UBA6: variants seen among roughly 807,000 people sequenced by gnomAD.
UBA6 encodes ubiquitin-like modifier-activating enzyme 6.
Under a neutral mutation model 148.3 loss-of-function variants are expected in UBA6, and 87 were observed. That is an observed-to-expected ratio of 0.59 (90% CI 0.49 to 0.70). UBA6 has a LOEUF of 0.70. Among genes scored for constraint, UBA6 ranks in the 30% least tolerant of loss-of-function variants. The probability of loss-of-function intolerance (pLI) is 0.00; values close to 1 mark genes in which losing one functional copy is unlikely to be tolerated. For missense variants in UBA6, 1,186 were observed against 1,241.2 expected, an observed-to-expected ratio of 0.96 and a Z score of 0.67; for synonymous variants, 376 against 401.0, an observed-to-expected ratio of 0.94 and a Z score of 0.75.
rs762934764 is a variant in UBA6 at position 67,618,951 on chromosome 4, C to G, written c.*46G>C. On this transcript the variant is annotated 3_prime_UTR_variant, in exon 33 of 33. Transcript: ENST00000322244. ...CTTTAGCTTCTGAATTAAGTGCACT[C>G]TTTCCAAAATCAAGTGGTCCTGGAG... is the stretch of plus-strand genomic sequence containing the variant. 1 of 1,585,334 alleles carries G rather than the reference C, an allele frequency of 6.3e-7. No individual in the cohort carries two copies. Among genetic ancestry groups the G allele is most frequent in the Admixed American group, 1.8e-5 (1 of 54,960 alleles).
intron 30 of UBA6, 99 bp downstream of exon 30, chr4:67,624,027 T>C: frequency 8.5e-6 from 9 of 1,064,688 alleles, no homozygotes; most frequent in Non-Finnish European, 1.2e-5. Context: ...ACATACACAA[T>C]AGAAGAAAAA....
At chr4:67,692,350 A>G (rs1730713965) in intron 2 of UBA6, among the ~76,000 whole-genome samples, 1 of 152,184 alleles carries the variant, frequency 6.6e-6, no homozygotes, top group South Asian at 2.1e-4. Flanking sequence ...CACAAAGGAC[A>G]TTTATTAGTA....
At chr4:67,650,486 C>T (rs1729527836) in intron 13 of UBA6, among the ~76,000 whole-genome samples, 1 of 152,074 alleles carries the variant, frequency 6.6e-6, no homozygotes, top group Non-Finnish European at 1.5e-5. Flanking sequence ...ATAAAGACGG[C>T]AGCCTATAGC....
chr4:67,650,080 G>T (rs561383170), intron 13 of UBA6, among the ~76,000 whole-genome samples: 1 of 151,884 alleles, frequency 6.6e-6, no homozygotes, highest in East Asian at 1.9e-4. Context: ...TACAACTATT[G>T]AGCACTAGCC....
intron 5 of UBA6, among the ~76,000 whole-genome samples, chr4:67,677,995 T>G (rs957945090): frequency 7.5e-6 from 1 of 132,666 alleles, no homozygotes; most frequent in African/African-American, 2.7e-5. Context: ...TCTTAATAAT[T>G]TAGCAACACT....
At chr4:67,634,180 T>G (rs1353164076) in intron 22 of UBA6, 62 bp downstream of exon 22, 2 of 1,193,856 alleles carry the variant, frequency 1.7e-6, no homozygotes, top group East Asian at 4.9e-5. Context: ...TGTAGATGAC[T>G]TGAAAATAAG....
intron 2 of UBA6, among the ~76,000 whole-genome samples, chr4:67,692,052 G>A (rs1452205608): frequency 6.6e-6 from 1 of 152,158 alleles, no homozygotes; most frequent in African/African-American, 2.4e-5. Flanking sequence ...GGGTACACAG[G>A]TGGTGTTTGG....
chr4:67,662,149 A>C (rs1409066084), intron 13 of UBA6, 40 bp downstream of exon 13: 4 of 1,586,274 alleles, frequency 2.5e-6, no homozygotes, highest in Non-Finnish European at 3.5e-6. Flanking sequence ...TTATGTATTA[A>C]CAAACAAATA....
chr4:67,665,134 C>T (rs910208175), intron 10 of UBA6, 55 bp downstream of exon 10: 12 of 1,089,650 alleles, frequency 1.1e-5, no homozygotes, highest in African/African-American at 1.6e-5. Flanking sequence ...TTTGTCTCTT[C>T]TGCCTTTCTT....
At chr4:67,621,369 T>C (rs565390283) in intron 32 of UBA6, among the ~76,000 whole-genome samples, 2 of 152,394 alleles carry the variant, frequency 1.3e-5, no homozygotes, top group African/African-American at 4.8e-5. Context: ...GAGATTCATT[T>C]ACTAGTCTGA....
At chr4:67,653,249 G>C (rs905574344) in intron 13 of UBA6, among the ~76,000 whole-genome samples, 3 of 152,184 alleles carry the variant, frequency 2.0e-5, no homozygotes, top group Non-Finnish European at 4.4e-5. Flanking sequence ...CCCCCATGTA[G>C]ACTGACTGGG....
At chr4:67,650,680 CAG>C (rs1729532316) in intron 13 of UBA6, among the ~76,000 whole-genome samples, 1 of 152,092 alleles carries the variant, frequency 6.6e-6, no homozygotes, top group African/African-American at 2.4e-5. Flanking sequence ...CAATCTCGGA[CAG>C]AGAGCAGAAA....
chr4:67,653,193 T>C (rs932600738), intron 13 of UBA6, among the ~76,000 whole-genome samples: 2 of 152,150 alleles, frequency 1.3e-5, no homozygotes, highest in Non-Finnish European at 2.9e-5. Context: ...AGCATGGCGT[T>C]CAAGCTCTGA....
chr4:67,669,833 T>C (rs932784638), intron 8 of UBA6, among the ~76,000 whole-genome samples: 2 of 152,136 alleles, frequency 1.3e-5, no homozygotes, highest in African/African-American at 4.8e-5. Context: ...TCTAACACAA[T>C]AAACAATTCA....
In UBA6 at chr4:67,615,773, TA is replaced by T. The variant is rs1312627855; in HGVS notation, c.*3223del. 12 of 194,660 alleles carry T rather than the reference TA, an allele frequency of 6.2e-5. No individual in the cohort carries two copies. Among genetic ancestry groups the T allele is most frequent in the Non-Finnish European group, 1.1e-4 (11 of 96,630 alleles). 12.1% of individuals were successfully genotyped at this position (194,660 alleles called of 1,614,324 possible). On this transcript the variant is annotated 3_prime_UTR_variant, in exon 33 of 33. Transcript: ENST00000322244. ...CTACAAAAGAATGTATGATTTTAAA[TA>T]AAACTCAAAAACAAGCAAACTGTAT... is the stretch of plus-strand genomic sequence containing the variant.
At chr4:67,685,185 A>G (rs2109953600) in intron 2 of UBA6, among the ~76,000 whole-genome samples, 1 of 152,250 alleles carries the variant, frequency 6.6e-6, no homozygotes, top group Middle Eastern at 3.4e-3. Context: ...ATTTCTCTTA[A>G]TATTTACTCC....
intron 9 of UBA6, among the ~76,000 whole-genome samples, chr4:67,666,144 G>T (rs1729990572): frequency 6.6e-6 from 1 of 152,006 alleles, no homozygotes; most frequent in Non-Finnish European, 1.5e-5. Context: ...CTGCACCTGT[G>T]AATAGCCACT....
At chr4:67,640,143 A>G (rs940506954) in intron 18 of UBA6, among the ~76,000 whole-genome samples, 4 of 152,216 alleles carry the variant, frequency 2.6e-5, no homozygotes, top group African/African-American at 9.6e-5. Flanking sequence ...GTCTCTTCTC[A>G]CATTCTTAGG....
At chr4:67,622,599 T>C (rs966818043) in intron 32 of UBA6, among the ~76,000 whole-genome samples, 1 of 152,218 alleles carries the variant, frequency 6.6e-6, no homozygotes, top group African/African-American at 2.4e-5. Context: ...GATCCACTTT[T>C]ACTTAAGTGT....
Sources: allele counts gnomAD v4.1 joint callset (sites outside exome capture counted in the v4.1 genomes callset), GRCh38; gene constraint gnomAD v4.1.1; transcripts MANE v1.5; gene names NCBI Gene and HGNC (gene_info 2026-07-23, HGNC 2026-07-21).